Variants in DAGLB observed in about 807,000 individuals in gnomAD.
DAGLB encodes diacylglycerol lipase-beta.
DAGLB carries 66 observed loss-of-function variants against 72.1 expected under a neutral mutation model. The ratio of observed to expected loss-of-function variants is 0.92; its 90% CI spans 0.75 to 1.12. DAGLB has a LOEUF of 1.12. Among genes scored for constraint, DAGLB ranks in the 50% most tolerant of loss-of-function variants. The probability of loss-of-function intolerance (pLI) is 0.00; values close to 1 mark genes in which losing one functional copy is unlikely to be tolerated. For missense variants in DAGLB, 1,065 were observed against 884.9 expected (o/e 1.20, Z -2.58); for synonymous variants, 414 against 359.5 (o/e 1.15, Z -1.71).
At chr7:6,417,068 A>G (rs1783942344) in intron 9 of DAGLB, 147 bp from the exon 10 acceptor site, 1 of 879,022 alleles carries the variant, frequency 1.1e-6, no homozygotes, top group African/African-American at 1.7e-5. Context: ...TCCATCGTGC[A>G]TGGCTGTGCT....
intron 13 of DAGLB, among the ~76,000 whole-genome samples, chr7:6,411,168 G>A (rs993937951): frequency 2.6e-4 from 39 of 151,916 alleles, no homozygotes; most frequent in African/African-American, 8.9e-4. Context: ...CACCGCGCCC[G>A]GCCTAATTTT....
intron 6 of DAGLB, among the ~76,000 whole-genome samples, chr7:6,427,826 G>A (rs1318045286): frequency 1.3e-5 from 2 of 152,138 alleles, no homozygotes; most frequent in Non-Finnish European, 2.9e-5. Context: ...CTCAGAACAT[G>A]ATGGGGTCAT....
intron 2 of DAGLB, among the ~76,000 whole-genome samples, chr7:6,438,930 A>G (rs1784744340): frequency 6.6e-6 from 1 of 152,116 alleles, no homozygotes; most frequent in Non-Finnish European, 1.5e-5. Flanking sequence ...CTGCCTAGAA[A>G]AAATTTCTGG....
intron 13 of DAGLB, chr7:6,412,502 G>T: frequency 1.7e-5 from 6 of 344,038 alleles, no homozygotes; most frequent in South Asian, 5.9e-5. Flanking sequence ...GTCTTGTTGT[G>T]TTGCCCAGGT....
intron 1 of DAGLB, among the ~76,000 whole-genome samples, chr7:6,446,436 T>A (rs7797644): frequency 7.1e-6 from 1 of 141,344 alleles, no homozygotes; most frequent in Non-Finnish European, 1.5e-5. Context: ...CGAGATCGTG[T>A]CACTGCACTC....
chr7:6,434,627 G>A, intron 4 of DAGLB, 135 bp downstream of exon 4: 1 of 1,410,986 alleles, frequency 7.1e-7, no homozygotes, highest in South Asian at 1.3e-5. Flanking sequence ...ACAGACAGAG[G>A]GTCTCCGGCC....
At chr7:6,442,955 C>T (rs1282342057) in intron 2 of DAGLB, among the ~76,000 whole-genome samples, 1 of 148,698 alleles carries the variant, frequency 6.7e-6, no homozygotes, top group Non-Finnish European at 1.5e-5. Context: ...GGGCGGATCA[C>T]GAGGTCAAGA....
rs539139711 is a variant in DAGLB at position 6,410,331 on chromosome 7, G to A, written c.1619C>T (p.Pro540Leu). The change falls in exon 14 of 15, where the codon CCC (proline) becomes CTC (leucine). Residue 540 changes from proline to leucine, a missense_variant. Coordinates refer to ENST00000297056, the MANE Select transcript of DAGLB (RefSeq NM_139179.4). ...GTCCAGCTCCGTGGGCAAGTTGTTG[G>A]GGTTTCCTCCAAACAGTTCGTACCA... ...GLWYELFGGN[P>L]NNLPTELDGG... is the part of the protein sequence containing the mutation. The A allele has an allele frequency of 8.1e-6, 13 of 1,614,058 alleles. 1 individual carries two copies. The South Asian group carries it at 1.2e-4, about 15-fold the overall frequency.
chr7:6,422,140 C>T, intron 8 of DAGLB: 1 of 384,240 alleles, frequency 2.6e-6, no homozygotes, highest in Non-Finnish European at 5.1e-6. Flanking sequence ...AGCCTGGTTC[C>T]CGTCCTCAGG....
chr7:6,421,973 G>C (rs1415486981), intron 8 of DAGLB, 169 bp from the exon 9 acceptor site: 2 of 752,898 alleles, frequency 2.7e-6, no homozygotes, highest in South Asian at 2.9e-5. Flanking sequence ...CCCAGCGGTG[G>C]CTCCTGAGGG....
Position 6,447,930 on chromosome 7 carries a change from A to G in DAGLB, c.-88T>C, listed in dbSNP as rs951155763. 8 of 1,467,784 alleles carry G rather than the reference A, an allele frequency of 5.5e-6. No individual in the cohort carries two copies. The highest frequency in any genetic ancestry group is 1.4e-5 in the African/African-American group (1 of 69,612). The allele number at this position is 1,467,784 out of a possible 1,614,324, so 90.9% of individuals were successfully genotyped here. On this transcript the variant is annotated 5_prime_UTR_variant, in exon 1 of 15. Coordinates refer to ENST00000297056, the MANE Select transcript of DAGLB (RefSeq NM_139179.4). The stretch of plus-strand genomic sequence containing the variant: ...AGCACCCTCCGGACGCCGCCACCAA[A>G]TTATCGGCGCTCAAGCGCAAACGCA...
At chr7:6,421,337 G>C (rs1214641282) in intron 9 of DAGLB, among the ~76,000 whole-genome samples, 2 of 144,586 alleles carry the variant, frequency 1.4e-5, no homozygotes, top group East Asian at 4.4e-4. Context: ...AGGCAGCGCG[G>C]GAGGCGCAGG....
rs836561 is a variant in DAGLB at position 6,410,497 on chromosome 7, T to C, written c.1570-117A>G. ...CTGCCCTTTGACCCAGAAACCCCGC[T>C]TGGAAGACTCCAGCAAAGATGCACC... On this transcript the variant is annotated intron_variant, in intron 13 of 14. Coordinates refer to ENST00000297056, the MANE Select transcript of DAGLB (RefSeq NM_139179.4). The C allele has an allele frequency of 0.13, 180,844 of 1,436,338 alleles. 24,976 individuals are homozygous for C. Among genetic ancestry groups the C allele is most frequent in the East Asian group, 0.68 (28,295 of 41,706 alleles). The allele number at this position is 1,436,338 out of a possible 1,614,324, so 89.0% of individuals were successfully genotyped here. A position where few individuals can be genotyped will look rare whatever the true frequency, so the allele number is the denominator to read the frequency against.
At chr7:6,412,929 AC>A (rs778821486) in intron 12 of DAGLB, 36 bp downstream of exon 12, 115 of 1,612,582 alleles carry the variant, frequency 7.1e-5, no homozygotes, top group African/African-American at 9.4e-5. Context: ...GGCACTCCCA[AC>A]CCCCCAGCCC....
At chr7:6,433,021 A>G (rs1784538707) in intron 4 of DAGLB, 62 bp from the exon 5 acceptor site, 1 of 1,575,330 alleles carries the variant, frequency 6.3e-7, no homozygotes, top group South Asian at 1.2e-5. Context: ...CGGGTTCCCT[A>G]AAATCCAGTC....
Position 6,409,281 on chromosome 7 carries a change from CG to C in DAGLB, c.*555del. 6.5e-6 allele frequency: 1 copy of C among 154,940 alleles called. No homozygotes were observed. The highest frequency in any genetic ancestry group is 1.4e-5 in the Non-Finnish European group (1 of 69,748). 9.6% of individuals were successfully genotyped at this position (154,940 alleles called of 1,614,324 possible). ...TTGGGGGGCTGTGGCTCGGCGGGGC[CG>C]GGGGCTCCACTTACTTTCCCGATCG... On this transcript the variant is annotated 3_prime_UTR_variant, in exon 15 of 15. Transcript: ENST00000297056.
In DAGLB at chr7:6,436,524, C is replaced by G. The variant is rs746019959; in HGVS notation, c.257G>C (p.Cys86Ser). ...IMCVSMRGTI[C>S]NPGPRKSMSK... ...CATAGACTTCCGCGGTCCAGGGTTA[C>G]AAATCGTTCCTGAAATACAAAAAAC... The change falls in exon 3 of 15, where the codon TGT (cysteine) becomes TCT (serine). Residue 86 changes from cysteine to serine, a missense_variant. By Grantham distance (112) the Cys-to-Ser change is moderately radical. Coordinates refer to ENST00000297056, the MANE Select transcript of DAGLB (RefSeq NM_139179.4). 6.2e-7 allele frequency: 1 copy of G among 1,613,892 alleles called. No individual in the cohort carries two copies. Among genetic ancestry groups the G allele is most frequent in the Non-Finnish European group, 8.5e-7 (1 of 1,179,986 alleles).
intron 7 of DAGLB, 86 bp downstream of exon 7, chr7:6,425,902 G>T (rs945481119): frequency 4.4e-6 from 7 of 1,579,046 alleles, no homozygotes; most frequent in Non-Finnish European, 6.0e-6. Context: ...TGAATTACGG[G>T]AAGAATAATT....
intron 2 of DAGLB, among the ~76,000 whole-genome samples, chr7:6,444,500 G>T (rs1183982185): frequency 1.3e-5 from 2 of 152,154 alleles, no homozygotes; most frequent in Non-Finnish European, 2.9e-5. Context: ...TACATGGGAG[G>T]CTGAGGCACA....
Sources: allele counts gnomAD v4.1 joint callset (sites outside exome capture counted in the v4.1 genomes callset), GRCh38; gene constraint gnomAD v4.1.1; transcripts MANE v1.5; gene names NCBI Gene and HGNC (gene_info 2026-07-23, HGNC 2026-07-21).